CACNA1D: variants seen among roughly 807,000 people sequenced by gnomAD.
CACNA1D encodes calcium voltage-gated channel subunit alpha1 D.
In CACNA1D, 55 loss-of-function variants were observed where a neutral mutation model predicts 257.1. That is an observed-to-expected ratio of 0.21 (90% CI 0.17 to 0.27). The LOEUF is 0.27. Ranked by LOEUF, CACNA1D falls within the 10% of genes least tolerant of loss-of-function variation. CACNA1D has a pLI of 1.00. For missense variants in CACNA1D, 1,876 were observed against 2,784.0 expected (o/e 0.67, Z 7.34); for synonymous variants, 980 against 1,014.9 (o/e 0.97, Z 0.65).
chr3:53,781,491 A>G, intron 38 of CACNA1D, 75 bp from the exon 39 acceptor site: 1 of 963,358 alleles, frequency 1.0e-6, no homozygotes, highest in Non-Finnish European at 1.7e-6. Context: ...AGGCTGGGAC[A>G]AGGCTGTGCA....
At chr3:53,720,845 A>G (rs953787370) in intron 11 of CACNA1D, among the ~76,000 whole-genome samples, 3 of 152,262 alleles carry the variant, frequency 2.0e-5, no homozygotes, top group Non-Finnish European at 1.5e-5. Context: ...GTAGTTCCTC[A>G]TAAAGTTTAA....
rs774642828 is a variant in CACNA1D, at chr3:53,718,301, C to T, written c.1391C>T (p.Thr464Ile). The T allele has an allele frequency of 2.5e-6, 4 of 1,613,656 alleles. No individual in the cohort carries two copies. Among genetic ancestry groups the T allele is most frequent in the East Asian group, 4.5e-5 (2 of 44,896 alleles). ...EEGGEEGKRNTSMPTSETESV... is the reference protein window; with the variant it reads ...EEGGEEGKRNISMPTSETESV... ...TCTGAAGCCCGTCTTCTCCCCACAG[C>T]TAGCATGCCCACCAGCGAGACTGAG... The change falls in exon 10 of 48, where the codon ACT (threonine) becomes ATT (isoleucine). Residue 464 changes from threonine to isoleucine, a missense_variant and splice_region_variant. Thr to Ile is a moderately conservative substitution (Grantham distance 89, BLOSUM62 -1). Coordinates refer to ENST00000350061, the MANE Select transcript of CACNA1D (RefSeq NM_001128840.3).
chr3:53,507,683 G>A (rs2090914293), intron 3 of CACNA1D, among the ~76,000 whole-genome samples: 1 of 152,188 alleles, frequency 6.6e-6, no homozygotes, highest in South Asian at 2.1e-4. Flanking sequence ...AGGAATTCCA[G>A]TGGGGGTCCT....
intron 3 of CACNA1D, among the ~76,000 whole-genome samples, chr3:53,521,946 G>A (rs1441957970): frequency 6.8e-6 from 1 of 146,958 alleles, no homozygotes; most frequent in Non-Finnish European, 1.5e-5. Flanking sequence ...AAAACATAGT[G>A]AGACCCCATC....
chr3:53,748,677 C>T (rs2095195231), intron 26 of CACNA1D, among the ~76,000 whole-genome samples: 1 of 152,246 alleles, frequency 6.6e-6, no homozygotes, highest in African/African-American at 2.4e-5. Flanking sequence ...TAATGTCTGC[C>T]TTCCCAGATG....
At chr3:53,706,759 T>C (rs2094694023) in intron 9 of CACNA1D, among the ~76,000 whole-genome samples, 1 of 152,166 alleles carries the variant, frequency 6.6e-6, no homozygotes, top group Non-Finnish European at 1.5e-5. Flanking sequence ...TTCTCATCCC[T>C]CATGCCTCTT....
chr3:53,660,065 A>G (rs2094188406), intron 4 of CACNA1D, 68 bp from the exon 5 acceptor site: 10 of 1,411,336 alleles, frequency 7.1e-6, no homozygotes, highest in African/African-American at 1.4e-5. Context: ...AATAAATAAG[A>G]TTATCATCCT....
chr3:53,666,593 G>A, intron 7 of CACNA1D, 58 bp downstream of exon 7: 1 of 1,421,870 alleles, frequency 7.0e-7, no homozygotes, highest in Non-Finnish European at 9.9e-7. Flanking sequence ...AGTGGGTTTT[G>A]TGAGCTAGAG....
chr3:53,738,591 T>C (rs2095082305), intron 20 of CACNA1D, among the ~76,000 whole-genome samples: 1 of 152,134 alleles, frequency 6.6e-6, no homozygotes. Context: ...ACATGGGGGT[T>C]TCATGTCTTA....
At chr3:53,631,079 C>T (rs925104418) in intron 3 of CACNA1D, among the ~76,000 whole-genome samples, 11 of 152,202 alleles carry the variant, frequency 7.2e-5, no homozygotes, top group Admixed American at 1.3e-4. Flanking sequence ...TAGTGGTTGC[C>T]GAAGAAGGCT....
intron 8 of CACNA1D, among the ~76,000 whole-genome samples, chr3:53,691,226 G>A (rs928333631): frequency 7.3e-5 from 11 of 150,320 alleles, no homozygotes; most frequent in African/African-American, 2.0e-4. Context: ...TGCAACTTCC[G>A]CCTCCTGGGT....
chr3:53,501,490 C>T (rs1415962179), intron 2 of CACNA1D, 125 bp from the exon 3 acceptor site: 12 of 660,394 alleles, frequency 1.8e-5, no homozygotes, highest in Admixed American at 1.1e-4. Context: ...AGCAGTCAGC[C>T]GAAATAGGAT....
At chr3:53,674,053 T>G in intron 8 of CACNA1D, 2 of 604,084 alleles carry the variant, frequency 3.3e-6, no homozygotes, top group South Asian at 3.8e-5. Flanking sequence ...CCAAAGCCAG[T>G]TGTGTTAGTA....
At chr3:53,806,572 T>A (rs2095567375) in intron 45 of CACNA1D, among the ~76,000 whole-genome samples, 1 of 152,208 alleles carries the variant, frequency 6.6e-6, no homozygotes, top group Admixed American at 6.5e-5. Flanking sequence ...GACTATCCAT[T>A]TCTGGAATTT....
intron 8 of CACNA1D, among the ~76,000 whole-genome samples, chr3:53,690,092 A>G (rs1407018621): frequency 1.3e-5 from 2 of 152,114 alleles, no homozygotes; most frequent in African/African-American, 2.4e-5. Flanking sequence ...AGGTTTATCA[A>G]TTTTCTCAAA....
intron 3 of CACNA1D, among the ~76,000 whole-genome samples, chr3:53,552,830 AT>A (rs1559830426): frequency 6.6e-6 from 1 of 152,226 alleles, no homozygotes; most frequent in African/African-American, 2.4e-5. Flanking sequence ...AGGATTTACT[AT>A]TCTTAAGGAT....
At chr3:53,781,497 G>A (rs1346954928) in intron 38 of CACNA1D, 69 bp from the exon 39 acceptor site, 3 of 1,029,600 alleles carry the variant, frequency 2.9e-6, no homozygotes, top group African/African-American at 1.6e-5. Context: ...GGACAAGGCT[G>A]TGCAAGCAGA....
At chr3:53,733,517 G>A (rs976138458) in intron 19 of CACNA1D, among the ~76,000 whole-genome samples, 1 of 152,190 alleles carries the variant, frequency 6.6e-6, no homozygotes, top group Non-Finnish European at 1.5e-5. Flanking sequence ...TAAGTATTCA[G>A]TTCAGCTCTA....
chr3:53,566,881 C>T (rs1184173244), intron 3 of CACNA1D, among the ~76,000 whole-genome samples: 2 of 152,222 alleles, frequency 1.3e-5, no homozygotes, highest in Non-Finnish European at 2.9e-5. Context: ...TCCCTACTGT[C>T]ACCCCTGCTG....
Sources: allele counts gnomAD v4.1 joint callset (sites outside exome capture counted in the v4.1 genomes callset), GRCh38; gene constraint gnomAD v4.1.1; transcripts MANE v1.5; gene names NCBI Gene and HGNC (gene_info 2026-07-23, HGNC 2026-07-21).